TENM1: variants seen among roughly 807,000 people sequenced by gnomAD.
TENM1 encodes teneurin transmembrane protein 1, also known as teneurin-1.
Under a neutral mutation model 174.8 loss-of-function variants are expected in TENM1, and 35 were observed. The ratio of observed to expected loss-of-function variants is 0.20; its 90% confidence interval spans 0.15 to 0.27. The LOEUF is 0.27. Ranked by LOEUF, TENM1 falls within the 10% of genes least tolerant of loss-of-function variation. TENM1 has a pLI of 1.00. For missense variants in TENM1, 1,633 were observed against 2,130.1 expected, an observed-to-expected ratio of 0.77 and a Z score of 4.59; for synonymous variants, 781 against 798.7, an observed-to-expected ratio of 0.98 and a Z score of 0.37.
At chrX:124,965,712 A>G (rs928632774), upstream of TENM1, among the ~76,000 whole-genome samples, 9 of 110,979 alleles carry the variant, frequency 8.1e-5, no homozygotes, top group South Asian at 3.8e-4. Flanking sequence ...ATATATATAC[A>G]CACACCAATG....
chrX:124,468,187 T>C (rs2061261059), intron 22 of TENM1, among the ~76,000 whole-genome samples: 1 of 110,344 alleles, frequency 9.1e-6, no homozygotes, highest in African/African-American at 3.3e-5. Context: ...CTTTTTTTTT[T>C]CTTTTTGAGA....
chrX:124,451,811 C>T (rs955061291), intron 23 of TENM1, among the ~76,000 whole-genome samples: 1 of 111,877 alleles, frequency 8.9e-6, no homozygotes, highest in Non-Finnish European at 1.9e-5. Flanking sequence ...GGAAAACTGG[C>T]TAGCCATATG....
intron 4 of TENM1, among the ~76,000 whole-genome samples, chrX:124,732,873 G>A (rs1486928109): frequency 1.8e-5 from 2 of 112,280 alleles, no homozygotes; most frequent in Non-Finnish European, 3.8e-5. Context: ...TAATGCTAGA[G>A]ATCCACAGTC....
chrX:124,956,872 G>A (rs780633123), intron 1 of TENM1, among the ~76,000 whole-genome samples: 3,432 of 112,057 alleles, frequency 0.031, 82 homozygotes, highest in African/African-American at 0.088. Flanking sequence ...TTCTTTCAAG[G>A]ATTTTGAAGG....
chrX:124,862,126 C>T (rs1050170507), intron 3 of TENM1, among the ~76,000 whole-genome samples: 8 of 112,036 alleles, frequency 7.1e-5, no homozygotes, highest in Admixed American at 2.8e-4. Context: ...AGCTGATTGA[C>T]CAAGTCTTTC....
chrX:124,479,994 G>A (rs1415648507), intron 22 of TENM1, among the ~76,000 whole-genome samples: 1 of 111,512 alleles, frequency 9.0e-6, no homozygotes, highest in Non-Finnish European at 1.9e-5. Flanking sequence ...TGTTCCCTTA[G>A]GGAAAATAAA....
At chrX:124,393,115 G>T (rs898931571) in intron 27 of TENM1, among the ~76,000 whole-genome samples, 1 of 111,302 alleles carries the variant, frequency 9.0e-6, no homozygotes, top group Non-Finnish European at 1.9e-5. Context: ...TCAAAACCTT[G>T]TAGCAGTCCC....
At chrX:124,891,000 A>G (rs770016921) in intron 3 of TENM1, among the ~76,000 whole-genome samples, 1 of 111,894 alleles carries the variant, frequency 8.9e-6, no homozygotes, top group African/African-American at 3.3e-5. Flanking sequence ...TTGCAACAAC[A>G]TGAATGGAAT....
chrX:124,577,468 T>C (rs777019069), intron 11 of TENM1, among the ~76,000 whole-genome samples: 32 of 111,669 alleles, frequency 2.9e-4, no homozygotes, highest in African/African-American at 9.1e-4. Context: ...TGTCCTTATA[T>C]AGTATTTCAA....
chrX:124,564,001 T>A (rs924035437), intron 12 of TENM1, among the ~76,000 whole-genome samples: 1 of 112,386 alleles, frequency 8.9e-6, no homozygotes, highest in Non-Finnish European at 1.9e-5. Context: ...TTAGGCTTCA[T>A]AAAAAGTGTC....
chrX:124,702,552 T>C (rs1259218097), intron 5 of TENM1, among the ~76,000 whole-genome samples: 1 of 112,545 alleles, frequency 8.9e-6, no homozygotes, highest in African/African-American at 3.2e-5. Context: ...GATGACTTGG[T>C]ATATCTAATT....
At chrX:124,969,982 T>C in the TENM1 span, among the ~76,000 whole-genome samples, 1 of 111,897 alleles carries the variant, frequency 8.9e-6, no homozygotes, top group African/African-American at 3.2e-5. Flanking sequence ...TTAGTTATCA[T>C]TCCTTCTCCT....
chrX:125,139,871 G>C, the TENM1 span, among the ~76,000 whole-genome samples: 4 of 107,247 alleles, frequency 3.7e-5, no homozygotes, highest in Admixed American at 3.0e-4. Context: ...GAGAGAGAGA[G>C]AGAGAGAGAG....
At chrX:124,661,087 T>C (rs5958550) in intron 6 of TENM1, among the ~76,000 whole-genome samples, 3,742 of 111,793 alleles carry the variant, frequency 0.033, 164 homozygotes, top group African/African-American at 0.11. Flanking sequence ...GTATATTATA[T>C]GATTCTATAT....
chrX:124,710,203 G>A (rs2053012384), intron 4 of TENM1, among the ~76,000 whole-genome samples: 3 of 110,583 alleles, frequency 2.7e-5, no homozygotes, highest in Non-Finnish European at 3.8e-5. Flanking sequence ...TACAGGCAGC[G>A]TAGGGATGTA....
At chrX:125,187,226 C>T in the TENM1 span, among the ~76,000 whole-genome samples, 4 of 112,308 alleles carry the variant, frequency 3.6e-5, no homozygotes, top group Non-Finnish European at 7.5e-5. Context: ...CGCTGTTGCA[C>T]GCCAGCCTGG....
At chrX:124,789,478 GCT>G (rs765003617) in intron 3 of TENM1, among the ~76,000 whole-genome samples, 1 of 111,526 alleles carries the variant, frequency 9.0e-6, no homozygotes, top group South Asian at 3.8e-4. Context: ...GAACTTTCAT[GCT>G]CTGTTTCCTT....
chrX:124,832,258 T>A (rs764412496), intron 3 of TENM1, among the ~76,000 whole-genome samples: 1 of 112,531 alleles, frequency 8.9e-6, no homozygotes, highest in Non-Finnish European at 1.9e-5. Context: ...ACTGCCTGTA[T>A]GAAGGCTTTA....
chrX:124,886,229 T>G (rs1238402457), intron 3 of TENM1, among the ~76,000 whole-genome samples: 3 of 110,470 alleles, frequency 2.7e-5, no homozygotes, highest in African/African-American at 9.8e-5. Flanking sequence ...CACAGTAATA[T>G]ACTAAAGAAG....
Sources: allele counts gnomAD v4.1 joint callset (sites outside exome capture counted in the v4.1 genomes callset), GRCh38; gene constraint gnomAD v4.1.1; transcripts MANE v1.5; gene names NCBI Gene and HGNC (gene_info 2026-07-23, HGNC 2026-07-21).